The following C8orf34 variants were observed in gnomAD, a reference collection of about 807,000 sequenced individuals.
C8orf34 encodes the protein chromosome 8 open reading frame 34.
In C8orf34, 65 loss-of-function variants were observed where a neutral mutation model predicts 68.3. The observed-to-expected ratio is 0.95, with a 90% CI of 0.78 to 1.17. The LOEUF (loss-of-function observed/expected upper bound fraction) is 1.17. Ranked by LOEUF, C8orf34 falls within the 50% of genes most tolerant of loss-of-function variation. The pLI, the probability that C8orf34 is intolerant of heterozygous loss-of-function variation, is 0.00. For missense variants in C8orf34, 664 were observed against 655.4 expected, an observed-to-expected ratio of 1.01 and a Z score of -0.14; for synonymous variants, 244 against 241.2, an observed-to-expected ratio of 1.01 and a Z score of -0.11.
At chr8:68,477,712 C>A (rs1812683006) in intron 4 of C8orf34, among the ~76,000 whole-genome samples, 1 of 152,230 alleles carries the variant, frequency 6.6e-6, no homozygotes, top group Admixed American at 6.5e-5. Context: ...CAGACTTCTG[C>A]CTGGACATTC....
At chr8:68,664,459 A>C (rs6472416) in intron 8 of C8orf34, among the ~76,000 whole-genome samples, 13,447 of 152,224 alleles carry the variant, frequency 0.088, 649 homozygotes, top group African/African-American at 0.12. Context: ...ACCATACTTC[A>C]AGTACCCATA....
At chr8:68,621,391 G>A (rs1443238973) in intron 7 of C8orf34, among the ~76,000 whole-genome samples, 1 of 152,126 alleles carries the variant, frequency 6.6e-6, no homozygotes, top group African/African-American at 2.4e-5. Context: ...TATAATTGTG[G>A]TTTGAATTTA....
At chr8:68,812,182 A>G (rs577266898) in intron 12 of C8orf34, among the ~76,000 whole-genome samples, 2 of 152,348 alleles carry the variant, frequency 1.3e-5, no homozygotes, top group South Asian at 4.1e-4. Context: ...CCAAATTATT[A>G]TCTACAAGCA....
rs150283493 is a variant in C8orf34 at position 68,739,243 on chromosome 8, C to G, written c.1404+17806C>G. On this transcript the variant is annotated intron_variant, in intron 10 of 13. Transcript: ENST00000518698. ...AAGGCTTTCAATAAAATTCAACACC[C>G]CTTTATGTTAAAAACTCTCAATAAC... 5.4e-3 allele frequency among the ~76,000 whole-genome samples: 823 copies of G among 152,158 alleles called. 8 individuals carry two copies. The highest frequency in any genetic ancestry group is 0.018 in the African/African-American group (737 of 41,532).
chr8:68,409,942 C>T (rs1442127867), intron 1 of C8orf34, among the ~76,000 whole-genome samples: 2 of 152,186 alleles, frequency 1.3e-5, no homozygotes, highest in African/African-American at 4.8e-5. Context: ...CAGTAACATG[C>T]TGTGCAGGTT....
chr8:68,818,233 C>T lies in C8orf34; in HGVS notation c.1610-6C>T, dbSNP rs898044829. ...CATTTTCTTCTGTTTCATTTCTCCTCTGCAGGTTTGTGAAACAGAGAGAAG... is the reference window on the plus strand; with the variant it reads ...CATTTTCTTCTGTTTCATTTCTCCTTTGCAGGTTTGTGAAACAGAGAGAAG... On this transcript the variant is annotated splice_region_variant and splice_polypyrimidine_tract_variant and intron_variant, in intron 13 of 13. Transcript: ENST00000518698. 1 of 1,612,370 alleles carries T rather than the reference C, an allele frequency of 6.2e-7. No homozygotes were observed. Among genetic ancestry groups the T allele is most frequent in the East Asian group, 2.2e-5 (1 of 44,796 alleles).
intron 7 of C8orf34, among the ~76,000 whole-genome samples, chr8:68,576,044 A>G (rs1425148833): frequency 6.6e-6 from 1 of 150,402 alleles, no homozygotes; most frequent in African/African-American, 2.4e-5. Flanking sequence ...TGCCAATCAC[A>G]AAGTTTTCTA....
At chr8:68,417,978 G>T (rs1011901872) in intron 1 of C8orf34, among the ~76,000 whole-genome samples, 1 of 150,290 alleles carries the variant, frequency 6.7e-6, no homozygotes, top group Non-Finnish European at 1.5e-5. Flanking sequence ...CTTGAGCAGT[G>T]GTTTGTAGTT....
At chr8:68,509,321 T>C (rs950323476) in intron 5 of C8orf34, among the ~76,000 whole-genome samples, 3 of 152,124 alleles carry the variant, frequency 2.0e-5, no homozygotes, top group African/African-American at 7.2e-5. Flanking sequence ...TTAGAAAGCA[T>C]GTATCAAAGC....
At chr8:68,526,050 C>A in intron 6 of C8orf34, 1 of 172,136 alleles carries the variant, frequency 5.8e-6, no homozygotes, top group Non-Finnish European at 1.2e-5. Flanking sequence ...ACTCTCCCTC[C>A]CAGTTCAAGT....
chr8:68,420,768 A>C (rs1012824022), intron 1 of C8orf34, among the ~76,000 whole-genome samples: 2 of 152,186 alleles, frequency 1.3e-5, no homozygotes, highest in Admixed American at 1.3e-4. Context: ...AGAACTCAAA[A>C]TACGGGCTTA....
At chr8:68,801,975 T>A (rs1474217669) in intron 12 of C8orf34, among the ~76,000 whole-genome samples, 2 of 152,088 alleles carry the variant, frequency 1.3e-5, no homozygotes, top group East Asian at 3.9e-4. Flanking sequence ...TGAGATCATC[T>A]ATACAATCAT....
At chr8:68,335,565 T>C (rs975584195) in intron 1 of C8orf34, among the ~76,000 whole-genome samples, 1 of 152,194 alleles carries the variant, frequency 6.6e-6, no homozygotes, top group Non-Finnish European at 1.5e-5. Context: ...AGTGTTGTCA[T>C]TGACTTACTT....
chr8:68,424,943 G>A (rs1037265206), intron 1 of C8orf34, among the ~76,000 whole-genome samples: 1 of 152,010 alleles, frequency 6.6e-6, no homozygotes, highest in Admixed American at 6.6e-5. Flanking sequence ...CCATGATTGA[G>A]TGAAATTTAT....
intron 10 of C8orf34, among the ~76,000 whole-genome samples, chr8:68,774,350 A>ATATATATATATATAT (rs1563661802): frequency 3.9e-4 from 43 of 109,520 alleles, no homozygotes; most frequent in African/African-American, 2.4e-3. Flanking sequence ...TATATATATA[A>ATATATATATATATAT]AATAAACAAA....
At chr8:68,682,189 T>TA (rs1197165571) in intron 8 of C8orf34, among the ~76,000 whole-genome samples, 2 of 152,126 alleles carry the variant, frequency 1.3e-5, no homozygotes, top group African/African-American at 4.8e-5. Context: ...GTTGTACATT[T>TA]AAAAATAGCT....
At chr8:68,454,383 C>T (rs983858118) in intron 3 of C8orf34, among the ~76,000 whole-genome samples, 5 of 151,914 alleles carry the variant, frequency 3.3e-5, no homozygotes, top group Middle Eastern at 3.2e-3. Context: ...CCAGGGAAGC[C>T]GCTTTATCCT....
intron 4 of C8orf34, among the ~76,000 whole-genome samples, chr8:68,473,661 T>G (rs931985687): frequency 7.2e-5 from 11 of 152,180 alleles, no homozygotes; most frequent in African/African-American, 2.4e-4. Flanking sequence ...AGGGCTTCCT[T>G]ACCCTCACTA....
chr8:68,775,684 T>C (rs1244683279), intron 10 of C8orf34, among the ~76,000 whole-genome samples: 1 of 152,180 alleles, frequency 6.6e-6, no homozygotes, highest in Non-Finnish European at 1.5e-5. Context: ...TTATAGAATA[T>C]AGAATTTGCG....
Sources: gnomAD v4.1 joint callset for allele counts (sites outside exome capture counted in the v4.1 genomes callset) on GRCh38, gnomAD v4.1.1 for gene constraint, MANE v1.5 for transcripts, NCBI Gene and HGNC (gene_info 2026-07-23, HGNC 2026-07-21) for gene names.